ANK2: variants seen among roughly 807,000 people sequenced by gnomAD.
The protein encoded by ANK2 is ankyrin 2.
Under a neutral mutation model 360.5 loss-of-function variants are expected in ANK2, and 83 were observed. That is an observed-to-expected ratio of 0.23 (90% CI 0.19 to 0.28). ANK2 has a LOEUF of 0.28. Among genes scored for constraint, ANK2 ranks in the 10% least tolerant of loss-of-function variants. The probability of loss-of-function intolerance (pLI) is 1.00; values close to 1 mark genes in which losing one functional copy is unlikely to be tolerated. For missense variants in ANK2, 4,201 were observed against 4,795.7 expected, an observed-to-expected ratio of 0.88 and a Z score of 3.66; for synonymous variants, 1,740 against 1,759.5, an observed-to-expected ratio of 0.99 and a Z score of 0.28.
At chr4:112,912,176 CAAA>C (rs77322574) in intron 2 of ANK2, among the ~76,000 whole-genome samples, 3 of 97,248 alleles carry the variant, frequency 3.1e-5, no homozygotes, top group East Asian at 2.8e-4. Context: ...GACTCCGTTT[CAAA>C]AAAAAAAAAA....
intron 1 of ANK2, among the ~76,000 whole-genome samples, chr4:113,161,266 A>G (rs2097525193): frequency 6.6e-6 from 1 of 152,202 alleles, no homozygotes; most frequent in African/African-American, 2.4e-5. Flanking sequence ...ATACAGTAAT[A>G]ACTACGTGGA....
intron 1 of ANK2, among the ~76,000 whole-genome samples, chr4:112,834,796 T>C (rs374713125): frequency 6.6e-6 from 1 of 152,236 alleles, no homozygotes; most frequent in Admixed American, 6.5e-5. Context: ...TCTTTCTTGA[T>C]CTTTAATAAT....
At chr4:112,758,030 A>G in the ANK2 span, among the ~76,000 whole-genome samples, 1 of 151,894 alleles carries the variant, frequency 6.6e-6, no homozygotes, top group South Asian at 2.1e-4. Context: ...CAGCCTTCCC[A>G]GTAGATGGGA....
chr4:112,831,093 C>T (rs1237900399), intron 1 of ANK2, among the ~76,000 whole-genome samples: 1 of 152,234 alleles, frequency 6.6e-6, no homozygotes, highest in East Asian at 1.9e-4. Flanking sequence ...CCCCCACCCC[C>T]TCCATGGGCT....
the ANK2 span, among the ~76,000 whole-genome samples, chr4:112,800,232 TA>T: frequency 6.6e-6 from 1 of 152,224 alleles, no homozygotes; most frequent in South Asian, 2.1e-4. Context: ...ATAGGCCAAT[TA>T]AAGTATCCTT....
chr4:113,359,410 C>T (rs1242540887), intron 38 of ANK2, 111 bp downstream of exon 38: 2 of 1,370,646 alleles, frequency 1.5e-6, no homozygotes, highest in African/African-American at 2.9e-5. Context: ...TTTAAGCTTT[C>T]TGTAGTGGCT....
In ANK2 at chr4:113,240,060, A is replaced by C. The variant is rs1391584065; in HGVS notation, c.694-425A>C. Among the ~76,000 whole-genome samples the C allele has an allele frequency of 2.0e-5, 3 of 152,170 alleles. No individual in the cohort carries two copies. The South Asian group carries it at 6.2e-4, about 32-fold the overall frequency. ...CAACAAATACTGCTTTTTTAAAACAAAAATAAAACAAAAACACTGGTTTCT... is the reference window on the plus strand; with the variant it reads ...CAACAAATACTGCTTTTTTAAAACACAAATAAAACAAAAACACTGGTTTCT... On this transcript the variant is annotated intron_variant, in intron 7 of 45. Coordinates refer to ENST00000357077, the MANE Select transcript of ANK2 (RefSeq NM_001148.6).
chr4:112,805,634 T>G, the ANK2 span, among the ~76,000 whole-genome samples: 5 of 147,906 alleles, frequency 3.4e-5, no homozygotes, highest in Non-Finnish European at 7.4e-5. Context: ...CAGGCTGGAG[T>G]GCAATGGGGT....
intron 1 of ANK2, among the ~76,000 whole-genome samples, chr4:113,156,371 C>CTTTTTTTTTTTTTTG (rs150536846): frequency 2.3e-5 from 3 of 128,476 alleles, no homozygotes; most frequent in Non-Finnish European, 3.3e-5. Context: ...TAGAAAAATT[C>CTTTTTTTTTTTTTTG]TTTTTTTTTT....
chr4:112,735,166 T>G, the ANK2 span, among the ~76,000 whole-genome samples: 1 of 152,024 alleles, frequency 6.6e-6, no homozygotes, highest in African/African-American at 2.4e-5. Flanking sequence ...GGGTGGATCC[T>G]TTGAGCCCAG....
At chr4:113,154,282 C>T (rs780783511) in intron 1 of ANK2, among the ~76,000 whole-genome samples, 18 of 152,172 alleles carry the variant, frequency 1.2e-4, no homozygotes, top group Non-Finnish European at 1.9e-4. Context: ...TATATAGAGT[C>T]CTTTTATTCA....
At chr4:113,336,542 A>C (rs768510328) in intron 30 of ANK2, 35 bp from the exon 31 acceptor site, 1 of 1,523,248 alleles carries the variant, frequency 6.6e-7, no homozygotes, top group East Asian at 2.4e-5. Flanking sequence ...AAATATATAC[A>C]CAAATATATA....
intron 4 of ANK2, among the ~76,000 whole-genome samples, chr4:113,206,618 G>C (rs1266608788): frequency 6.6e-6 from 1 of 151,456 alleles, no homozygotes; most frequent in Non-Finnish European, 1.5e-5. Flanking sequence ...AGGCCACTGG[G>C]TGATTACAAA....
chr4:112,821,699 A>G (rs773484467), intron 1 of ANK2, among the ~76,000 whole-genome samples: 1 of 151,412 alleles, frequency 6.6e-6, no homozygotes, highest in Non-Finnish European at 1.5e-5. Flanking sequence ...ATTATTGTTC[A>G]GTTATGGCAA....
chr4:113,253,766 C>G (rs1268415972), intron 10 of ANK2, among the ~76,000 whole-genome samples: 1 of 152,138 alleles, frequency 6.6e-6, no homozygotes, highest in Non-Finnish European at 1.5e-5. Flanking sequence ...CTGCAAGAGG[C>G]CCCTAATTGA....
At chr4:113,060,598 A>G (rs141224680) in intron 1 of ANK2, among the ~76,000 whole-genome samples, 29 of 152,004 alleles carry the variant, frequency 1.9e-4, no homozygotes, top group African/African-American at 6.5e-4. Flanking sequence ...AATTAAAGAA[A>G]TAGGAGTTTT....
exon 2 of ANK2, chr4:112,904,502 C>A: frequency 1.3e-6 from 2 of 1,504,576 alleles, no homozygotes; most frequent in South Asian, 1.3e-5. Flanking sequence ...AAATGACCAC[C>A]ATGTTGCAAA....
At chr4:113,145,676 G>T in intron 1 of ANK2, 5 of 1,136,604 alleles carry the variant, frequency 4.4e-6, no homozygotes, top group South Asian at 2.0e-5. Flanking sequence ...GTTGCCGGGG[G>T]TTTTGAGTTC....
At chr4:113,317,999 G>C (rs2083845665) in intron 25 of ANK2, among the ~76,000 whole-genome samples, 190 bp downstream of exon 25, 1 of 152,184 alleles carries the variant, frequency 6.6e-6, no homozygotes, top group African/African-American at 2.4e-5. Flanking sequence ...TCAATGAGCA[G>C]TGTTTTTCTG....
Sources: gnomAD v4.1 joint callset for allele counts (sites outside exome capture counted in the v4.1 genomes callset) on GRCh38, gnomAD v4.1.1 for gene constraint, MANE v1.5 for transcripts, NCBI Gene and HGNC (gene_info 2026-07-23, HGNC 2026-07-21) for gene names.